Variants in MCCC2 observed in about 807,000 individuals in gnomAD.
MCCC2 encodes methylcrotonyl-CoA carboxylase subunit 2, also known as methylcrotonoyl-CoA carboxylase beta chain, mitochondrial.
MCCC2 carries 52 observed loss-of-function variants against 77.2 expected under a neutral mutation model. That is an observed-to-expected ratio of 0.67 (90% CI 0.54 to 0.85). The LOEUF is 0.85. Ranked by LOEUF, MCCC2 falls within the 40% of genes least tolerant of loss-of-function variation. MCCC2 has a pLI of 0.00. For synonymous variants in MCCC2, 253 were observed against 248.4 expected (o/e 1.02, Z -0.18); for missense variants, 682 against 703.2 (o/e 0.97, Z 0.34).
At chr5:71,612,954 A>T (rs1425511393) in intron 6 of MCCC2, among the ~76,000 whole-genome samples, 1 of 152,222 alleles carries the variant, frequency 6.6e-6, no homozygotes, top group Non-Finnish European at 1.5e-5. Context: ...CTGTGCTTCC[A>T]GGGGACATTC....
At chr5:71,634,580 C>T (rs1419676000) in intron 8 of MCCC2, among the ~76,000 whole-genome samples, 2 of 152,172 alleles carry the variant, frequency 1.3e-5, no homozygotes, top group African/African-American at 2.4e-5. Flanking sequence ...ATTCTGCTTA[C>T]GGTACAGGGG....
intron 6 of MCCC2, 67 bp from the exon 7 acceptor site, chr5:71,626,573 G>A: frequency 7.9e-7 from 1 of 1,267,972 alleles, no homozygotes; most frequent in South Asian, 1.2e-5. Flanking sequence ...TGGGATTCTG[G>A]ATCAAACACT....
chr5:71,603,915 G>A (rs1745560012), intron 5 of MCCC2, among the ~76,000 whole-genome samples: 1 of 152,158 alleles, frequency 6.6e-6, no homozygotes, highest in Non-Finnish European at 1.5e-5. Flanking sequence ...CATGAGCTCT[G>A]CTTTGAACGC....
chr5:71,639,950 A>G (rs1436364608), intron 10 of MCCC2, among the ~76,000 whole-genome samples: 1 of 152,222 alleles, frequency 6.6e-6, no homozygotes, highest in Non-Finnish European at 1.5e-5. Flanking sequence ...ATCATACAAA[A>G]CAAGATTTTG....
intron 6 of MCCC2, among the ~76,000 whole-genome samples, chr5:71,609,794 C>G (rs1387156049): frequency 2.0e-5 from 3 of 152,024 alleles, no homozygotes; most frequent in Non-Finnish European, 4.4e-5. Context: ...ACAGACAGGA[C>G]CCTCAGCTGC....
rs1215619050 is a variant in MCCC2, at chr5:71,633,129, A to ATTTTTTTTT, written c.803+945_803+946insTTTTTTTTT. Among the ~76,000 whole-genome samples, 503 of 81,872 alleles carry ATTTTTTTTT rather than the reference A, an allele frequency of 6.1e-3. 12 individuals are homozygous for ATTTTTTTTT. Among genetic ancestry groups the ATTTTTTTTT allele is most frequent in the Middle Eastern group, 0.028 (4 of 144 alleles). 53.7% of individuals were successfully genotyped at this position (81,872 alleles called of 152,430 possible). On this transcript the variant is annotated intron_variant, in intron 8 of 16. Coordinates refer to ENST00000340941, the MANE Select transcript of MCCC2 (RefSeq NM_022132.5). The stretch of plus-strand genomic sequence containing the variant: ...TATATATATATATATATATATATAT[A>ATTTTTTTTT]TATTTTTATTTTTTGTAGAAACAGG...
intron 1 of MCCC2, among the ~76,000 whole-genome samples, chr5:71,592,109 G>A (rs576695736): frequency 2.6e-4 from 40 of 152,186 alleles, no homozygotes; most frequent in Non-Finnish European, 5.1e-4. Flanking sequence ...GGCCAGGTGC[G>A]GTGGCTCATG....
At chr5:71,627,562 T>C (rs896525994) in intron 7 of MCCC2, among the ~76,000 whole-genome samples, 3 of 152,254 alleles carry the variant, frequency 2.0e-5, no homozygotes, top group Non-Finnish European at 4.4e-5. Context: ...TGCATGGAAA[T>C]GTTTTTATTT....
intron 6 of MCCC2, among the ~76,000 whole-genome samples, chr5:71,618,487 T>TCC (rs1746244754): frequency 1.4e-5 from 2 of 142,212 alleles, no homozygotes; most frequent in African/African-American, 5.3e-5. Context: ...CCTTCTTTCC[T>TCC]TCTTCCTTCC....
At position 71,629,735 on chromosome 5, in the gene MCCC2, C is replaced by CATT. The variant is rs3066461; in HGVS notation, c.739-2360_739-2358dup. Among the ~76,000 whole-genome samples, 317 of 147,984 alleles carry CATT rather than the reference C, an allele frequency of 2.1e-3. 3 individuals carry two copies. The highest frequency in any genetic ancestry group is 0.016 in the South Asian group (73 of 4,702). On this transcript the variant is annotated intron_variant, in intron 7 of 16. Coordinates refer to ENST00000340941, the MANE Select transcript of MCCC2 (RefSeq NM_022132.5). Reference sequence around the variant, plus strand: ...AGGCATTATTTTAAAAGCCTGCAGCCATTATTATTATTATTATTATTATTA... The same window carrying CATT: ...AGGCATTATTTTAAAAGCCTGCAGCCATTATTATTATTATTATTATTATTATTA...
intron 7 of MCCC2, among the ~76,000 whole-genome samples, chr5:71,628,206 G>A (rs568652439): frequency 6.6e-6 from 1 of 152,278 alleles, no homozygotes; most frequent in Non-Finnish European, 1.5e-5. Flanking sequence ...TGTCTATTCA[G>A]ATTCTTTCTC....
intron 4 of MCCC2, among the ~76,000 whole-genome samples, chr5:71,601,145 CTA>C (rs1163889622): frequency 3.3e-5 from 5 of 152,172 alleles, no homozygotes; most frequent in Admixed American, 3.3e-4. Flanking sequence ...GAAATGCAAT[CTA>C]GTATTTTTGT....
At chr5:71,604,571 C>G in intron 6 of MCCC2, 103 bp downstream of exon 6, 1 of 824,424 alleles carries the variant, frequency 1.2e-6, no homozygotes, top group Non-Finnish European at 2.0e-6. Context: ...GAATTTAACA[C>G]AAAATCTAAT....
At chr5:71,590,498 C>G (rs1347099032) in intron 1 of MCCC2, among the ~76,000 whole-genome samples, 2 of 152,168 alleles carry the variant, frequency 1.3e-5, no homozygotes, top group African/African-American at 4.8e-5. Context: ...CCATTGATTT[C>G]TAGTTTCATT....
chr5:71,626,918 G>T (rs1224006450), intron 7 of MCCC2, among the ~76,000 whole-genome samples, 165 bp downstream of exon 7: 2 of 152,124 alleles, frequency 1.3e-5, no homozygotes, highest in African/African-American at 2.4e-5. Context: ...CGTTTAGTAT[G>T]TTCATATTGT....
chr5:71,603,592 G>T (rs920594207), intron 5 of MCCC2, among the ~76,000 whole-genome samples: 5 of 152,094 alleles, frequency 3.3e-5, no homozygotes, highest in African/African-American at 9.7e-5. Context: ...AATACGAACT[G>T]CTCTGCACGT....
chr5:71,625,499 A>G (rs1746504610), intron 6 of MCCC2, among the ~76,000 whole-genome samples: 1 of 152,214 alleles, frequency 6.6e-6, no homozygotes, highest in South Asian at 2.1e-4. Context: ...TATGTGTTCA[A>G]AATATATTGA....
At chr5:71,652,835 G>C in intron 16 of MCCC2, 81 bp downstream of exon 16, 1 of 1,137,446 alleles carries the variant, frequency 8.8e-7, no homozygotes. Context: ...CTGTGTAGTT[G>C]AGATGGTCCA....
intron 16 of MCCC2, among the ~76,000 whole-genome samples, chr5:71,655,220 C>A (rs558339028): frequency 2.0e-5 from 3 of 152,270 alleles, no homozygotes; most frequent in South Asian, 2.1e-4. Flanking sequence ...GATTTCCAAG[C>A]CAGTTTATGG....
Sources: gnomAD v4.1 joint callset for allele counts (sites outside exome capture counted in the v4.1 genomes callset) on GRCh38, gnomAD v4.1.1 for gene constraint, MANE v1.5 for transcripts, NCBI Gene and HGNC (gene_info 2026-07-23, HGNC 2026-07-21) for gene names.